The following RHOC variants were observed in gnomAD, a reference collection of about 807,000 sequenced individuals.
The protein encoded by RHOC is rho-related GTP-binding protein RhoC.
A neutral mutation model predicts 19.5 loss-of-function variants in RHOC; 13 were observed. The ratio of observed to expected loss-of-function variants is 0.67; its 90% confidence interval spans 0.43 to 1.06. The LOEUF (loss-of-function observed/expected upper bound fraction) is 1.06, where lower values mean the gene tolerates loss of function less well. Ranked by LOEUF, RHOC falls within the 50% of genes least tolerant of loss-of-function variation. RHOC has a pLI of 0.00. For synonymous variants in RHOC, 106 were observed against 97.3 expected (o/e 1.09, Z -0.52); for missense variants, 173 against 256.9 (o/e 0.67, Z 2.23).
intron 1 of RHOC, chr1:112,705,462 G>T (rs918009838): frequency 1.7e-5 from 10 of 574,894 alleles, no homozygotes; most frequent in Non-Finnish European, 2.9e-5. Context: ...CCCTTCCCTT[G>T]CCTCCAGACA....
In RHOC at chr1:112,701,383, GCCACCACC is replaced by G; in HGVS notation, c.*149_*156del. ...CAGAGCGCTGGGAGGGAGGGCCCGT[GCCACCACC>G]TCGGGGCTAGAAAACAATGCAGTCC... On this transcript the variant is annotated 3_prime_UTR_variant, in exon 6 of 6. Coordinates refer to ENST00000339083, the MANE Select transcript of RHOC (RefSeq NM_175744.5). 6.5e-7 allele frequency: 1 copy of G among 1,538,482 alleles called. No individual in the cohort carries two copies. Among genetic ancestry groups the G allele is most frequent in the Non-Finnish European group, 8.8e-7 (1 of 1,139,914 alleles).
At chr1:112,706,430 TACACACACACACACACACACACACACACA>T (rs1674846269) in intron 1 of RHOC, among the ~76,000 whole-genome samples, 8 of 49,694 alleles carry the variant, frequency 1.6e-4, no homozygotes, top group Non-Finnish European at 2.8e-4. Flanking sequence ...TCTCTCTCTC[TACACACACACACACACACACACACACACA>T]CACACCACAC....
intron 1 of RHOC, chr1:112,705,518 CAGG>C: frequency 2.0e-6 from 1 of 507,302 alleles, no homozygotes; most frequent in Admixed American, 2.3e-5. Context: ...AGAGAATTTA[CAGG>C]AGTTCAAAGT....
intron 5 of RHOC, among the ~76,000 whole-genome samples, chr1:112,702,007 C>A (rs1362556956): frequency 1.3e-5 from 2 of 152,158 alleles, no homozygotes; most frequent in Non-Finnish European, 2.9e-5. Context: ...TCACTCTCTT[C>A]CAGTCAGAAT....
chr1:112,706,578 G>A (rs1214676444), intron 1 of RHOC, among the ~76,000 whole-genome samples: 1 of 149,246 alleles, frequency 6.7e-6, no homozygotes, highest in Admixed American at 6.7e-5. Flanking sequence ...CTCAACACAA[G>A]CGGGCTCCAG....
In RHOC at chr1:112,701,411, C is replaced by T; in HGVS notation, c.*129G>A. 1 of 1,586,756 alleles carries T rather than the reference C, an allele frequency of 6.3e-7. No homozygotes were observed. Among genetic ancestry groups the T allele is most frequent in the South Asian group, 1.1e-5 (1 of 88,142 alleles). ...ACCACCTCGGGGCTAGAAAACAATG[C>T]AGTCCTGGGCAGGAGGGAACTGAAA... On this transcript the variant is annotated 3_prime_UTR_variant, in exon 6 of 6. Transcript: ENST00000339083.
intron 3 of RHOC, chr1:112,703,381 TA>T: frequency 1.4e-6 from 1 of 716,606 alleles, no homozygotes; most frequent in South Asian, 1.5e-5. Flanking sequence ...AGGGAGGTCT[TA>T]CCATCATCCC....
chr1:112,701,648 C>A lies in RHOC; in HGVS notation c.474G>T (p.Glu158Asp). The A allele has an allele frequency of 6.2e-6, 10 of 1,614,100 alleles. No individual in the cohort carries two copies. Among genetic ancestry groups the A allele is most frequent in the Non-Finnish European group, 8.5e-6 (10 of 1,180,014 alleles). The part of the protein sequence containing the change: ...ANRISAFGYL[E>D]CSAKTKEGVR... ...CTCCCTCCTTGGTCTTGGCTGAGCA[C>A]TCAAGGTAGCCAAAGGCACTGATCC... Residue 158 changes from glutamate (E) to aspartate (D), a missense_variant, in exon 6 of 6, where the codon GAG (glutamate) becomes GAT (aspartate). Coordinates refer to ENST00000339083, the MANE Select transcript of RHOC (RefSeq NM_175744.5).
At chr1:112,706,517 C>A (rs66799001) in intron 1 of RHOC, among the ~76,000 whole-genome samples, 6,612 of 70,270 alleles carry the variant, frequency 0.094, 320 homozygotes, top group Non-Finnish European at 0.12. Context: ...CACACACACA[C>A]ACACACACAC....
chr1:112,704,284 G>A (rs887192714), intron 2 of RHOC: 1 of 155,066 alleles, frequency 6.4e-6, no homozygotes, highest in Non-Finnish European at 1.4e-5. Flanking sequence ...AGTCATACCT[G>A]TCCAGTCACA....
Position 112,702,722 on chromosome 1 carries a change from G to A in RHOC, c.278-29C>T, listed in dbSNP as rs540304868. The A allele has an allele frequency of 3.7e-6, 6 of 1,613,270 alleles. No individual in the cohort carries two copies. The African/African-American group carries it at 5.3e-5, about 14-fold the overall frequency. On this transcript the variant is annotated intron_variant, in intron 4 of 5. Transcript: ENST00000339083. ...TGTAGACATGCACCAACAGGTGTCG[G>A]TGCCTCCACTTAAGCTAGAAAGCTC...
At position 112,701,255 on chromosome 1, in the gene RHOC, C is replaced by A; in HGVS notation, c.*285G>T. ...CTACTGCAGACACTTTCCTGTGAGC[C>A]AGAAGTGTATAAAGTGCTGGTGTGT... is the stretch of plus-strand genomic sequence containing the variant. On this transcript the variant is annotated 3_prime_UTR_variant, in exon 6 of 6. Coordinates refer to ENST00000339083, the MANE Select transcript of RHOC (RefSeq NM_175744.5). 2.6e-6 allele frequency: 2 copies of A among 772,326 alleles called. No homozygotes were observed. Among genetic ancestry groups the A allele is most frequent in the Non-Finnish European group, 2.0e-6 (1 of 491,902 alleles). The allele number at this position is 772,326 out of a possible 1,614,324, so 47.8% of individuals were successfully genotyped here.
At chr1:112,704,899 C>A in intron 2 of RHOC, 1 of 600,334 alleles carries the variant, frequency 1.7e-6, no homozygotes, top group South Asian at 1.9e-5. Flanking sequence ...TCACCTCCAC[C>A]CACTCTGGAA....
In RHOC at chr1:112,701,627, C is replaced by G. The variant is rs1450806573; in HGVS notation, c.495G>C (p.Glu165Asp). 1 of 1,614,142 alleles carries G rather than the reference C, an allele frequency of 6.2e-7. No individual in the cohort carries two copies. The highest frequency in any genetic ancestry group is 1.1e-5 in the South Asian group (1 of 91,078). The change falls in exon 6 of 6, where the codon GAG (glutamate) becomes GAC (aspartate). Residue 165 changes from glutamate to aspartate, a missense_variant. Transcript: ENST00000339083. ...CCATCTCAAACACCTCCCGCACTCC[C>G]TCCTTGGTCTTGGCTGAGCACTCAA... ...GYLECSAKTK[E>D]GVREVFEMAT...
chr1:112,701,999 A>C (rs890051063), intron 5 of RHOC, among the ~76,000 whole-genome samples: 1 of 150,988 alleles, frequency 6.6e-6, no homozygotes, highest in Non-Finnish European at 1.5e-5. Flanking sequence ...CTCCATCCTC[A>C]CTCTCTTCCA....
At chr1:112,702,469 C>G (rs113650665) in intron 5 of RHOC, 94 bp downstream of exon 5, 1 of 1,355,890 alleles carries the variant, frequency 7.4e-7, no homozygotes, top group East Asian at 2.3e-5. Context: ...CCCTAACACA[C>G]GGCAGTAGCT....
In RHOC at chr1:112,702,709, C is replaced by A. The variant is rs772678884; in HGVS notation, c.278-16G>T. The A allele has an allele frequency of 4.3e-6, 7 of 1,613,878 alleles. No homozygotes were observed. The highest frequency in any genetic ancestry group is 5.9e-6 in the Non-Finnish European group (7 of 1,179,868). On this transcript the variant is annotated splice_polypyrimidine_tract_variant and intron_variant, in intron 4 of 5. Coordinates refer to ENST00000339083, the MANE Select transcript of RHOC (RefSeq NM_175744.5). ...GGAATGTTTTCTGTGTAGACATGCA[C>A]CAACAGGTGTCGGTGCCTCCACTTA...
At chr1:112,706,521 C>A (rs1257498174) in intron 1 of RHOC, among the ~76,000 whole-genome samples, 23 of 112,850 alleles carry the variant, frequency 2.0e-4, no homozygotes, top group South Asian at 2.9e-4. Context: ...CACACACACA[C>A]ACACACACAC....
rs1491269480 is a variant in RHOC, at chr1:112,706,430, T to TCTACAC, written c.-77+647_-77+648insGTGTAG. Among the ~76,000 whole-genome samples the TCTACAC allele has an allele frequency of 6.2e-4, 31 of 49,692 alleles. 1 individual carries two copies. Among genetic ancestry groups the TCTACAC allele is most frequent in the African/African-American group, 2.3e-3 (26 of 11,550 alleles). The allele number at this position is 49,692 out of a possible 152,430, so 32.6% of individuals were successfully genotyped here. On this transcript the variant is annotated intron_variant, in intron 1 of 5. Transcript: ENST00000339083. The stretch of plus-strand genomic sequence containing the variant: ...CATTTTCTCTCTCTCTCTCTCTCTC[T>TCTACAC]ACACACACACACACACACACACACA...
Sources: gnomAD v4.1 joint callset for allele counts (sites outside exome capture counted in the v4.1 genomes callset) on GRCh38, gnomAD v4.1.1 for gene constraint, MANE v1.5 for transcripts, NCBI Gene and HGNC (gene_info 2026-07-23, HGNC 2026-07-21) for gene names.